Variants in MGST2 observed in about 807,000 individuals in gnomAD.
MGST2 encodes the protein microsomal glutathione S-transferase 2.
Under a neutral mutation model 16.6 loss-of-function variants are expected in MGST2, and 9 were observed. The ratio of observed to expected loss-of-function variants is 0.54; its 90% CI spans 0.33 to 0.95. MGST2 has a LOEUF of 0.95. MGST2 is among the 40% of genes least tolerant of loss of function. MGST2 has a pLI of 0.03. For synonymous variants in MGST2, 79 were observed against 68.0 expected (o/e 1.16, Z -0.79); for missense variants, 159 against 175.1 (o/e 0.91, Z 0.52).
chr4:139,675,352 G>A (rs965717358), intron 1 of MGST2, among the ~76,000 whole-genome samples: 2 of 152,156 alleles, frequency 1.3e-5, no homozygotes, highest in Non-Finnish European at 2.9e-5. Context: ...AGGACAGGAG[G>A]CAAGACCTAC....
chr4:139,719,483 C>A, intron 5 of MGST2: 1 of 1,614,022 alleles, frequency 6.2e-7, no homozygotes, highest in Non-Finnish European at 8.5e-7. Context: ...AGGGGCATTC[C>A]GCTCATAGGC....
chr4:139,723,938 G>A (rs1052817039), intron 5 of MGST2, among the ~76,000 whole-genome samples: 1 of 152,168 alleles, frequency 6.6e-6, no homozygotes, highest in Non-Finnish European at 1.5e-5. Flanking sequence ...AACAAGCTCC[G>A]CTGGTGCTTT....
intron 2 of MGST2, among the ~76,000 whole-genome samples, chr4:139,680,264 G>A (rs975451529): frequency 5.3e-5 from 8 of 152,154 alleles, no homozygotes; most frequent in Admixed American, 5.2e-4. Context: ...AATGTTGAAA[G>A]CAGGGCCTTA....
Position 139,704,127 on chromosome 4 carries a change from G to C in MGST2, c.423G>C (p.Lys141Asn). ...LDEYLDLNIA[K>N]KLRRQF ...AATATCTGGACCTCAATATTGCCAA[G>C]AAACTGAGGCGGCAATTCTAACTTT... is the stretch of plus-strand genomic sequence containing the variant. Residue 141 changes from lysine to asparagine, a missense_variant, in exon 5 of 5, where the codon AAG becomes AAC. Physicochemically the swap from Lys to Asn is moderately conservative, Grantham distance 94 (BLOSUM62 0). Transcript: ENST00000265498. 1 of 1,614,192 alleles carries C rather than the reference G, an allele frequency of 6.2e-7. No individual in the cohort carries two copies.
chr4:139,690,192 A>G (rs376835627), intron 2 of MGST2, among the ~76,000 whole-genome samples: 1 of 152,234 alleles, frequency 6.6e-6, no homozygotes, highest in African/African-American at 2.4e-5. Context: ...GGGTTTCACC[A>G]TATTGTCCAG....
chr4:139,695,316 T>C (rs1726856896), intron 3 of MGST2, 49 bp downstream of exon 3: 2 of 1,444,766 alleles, frequency 1.4e-6, no homozygotes. Flanking sequence ...CTGTGATGCT[T>C]AAACGATTAA....
intron 3 of MGST2, among the ~76,000 whole-genome samples, chr4:139,697,706 G>T (rs2110887051): frequency 6.6e-6 from 1 of 152,202 alleles, no homozygotes; most frequent in South Asian, 2.1e-4. Context: ...CTTGCATGTA[G>T]GACAACTCAG....
the MGST2 span, among the ~76,000 whole-genome samples, chr4:139,750,750 A>G: frequency 6.6e-6 from 1 of 152,136 alleles, no homozygotes; most frequent in Non-Finnish European, 1.5e-5. Context: ...AAGGCACTCT[A>G]TTTTGAATTT....
chr4:139,690,150 C>T (rs957105541), intron 2 of MGST2, among the ~76,000 whole-genome samples: 6 of 152,116 alleles, frequency 3.9e-5, no homozygotes, highest in East Asian at 1.9e-4. Flanking sequence ...CACCACCATG[C>T]TCAGTTAATT....
intron 3 of MGST2, among the ~76,000 whole-genome samples, chr4:139,697,727 A>G (rs1727007214): frequency 6.6e-6 from 1 of 152,244 alleles, no homozygotes; most frequent in South Asian, 2.1e-4. Context: ...TTAGAAAAGT[A>G]TAGTGAATGG....
intron 1 of MGST2, 149 bp from the exon 2 acceptor site, chr4:139,678,391 TCTC>T (rs1461726358): frequency 1.3e-5 from 9 of 704,176 alleles, no homozygotes; most frequent in Non-Finnish European, 2.3e-5. Context: ...TCTCATATCC[TCTC>T]CTGTCTTTTT....
chr4:139,699,353 T>C (rs1276671825), intron 3 of MGST2, among the ~76,000 whole-genome samples: 1 of 152,252 alleles, frequency 6.6e-6, no homozygotes, highest in Non-Finnish European at 1.5e-5. Context: ...TTGATAAATT[T>C]TAACTTTGCA....
chr4:139,731,109 A>T (rs931885222), intron 5 of MGST2: 3 of 166,376 alleles, frequency 1.8e-5, no homozygotes, highest in African/African-American at 7.2e-5. Flanking sequence ...TGCAAGTAGG[A>T]GGGACATTTG....
At chr4:139,716,960 T>G (rs1727996391) in intron 5 of MGST2, 1 of 152,582 alleles carries the variant, frequency 6.6e-6, no homozygotes, top group African/African-American at 2.4e-5. Context: ...AGTAATTAGA[T>G]GTCATCTGAA....
At chr4:139,698,242 A>G in intron 3 of MGST2, 1 of 1,151,814 alleles carries the variant, frequency 8.7e-7, no homozygotes, top group Non-Finnish European at 1.3e-6. Context: ...GTGTCTTCAA[A>G]AAGGCCAACC....
chr4:139,729,624 C>T (rs1216328816), intron 5 of MGST2, among the ~76,000 whole-genome samples: 1 of 152,130 alleles, frequency 6.6e-6, no homozygotes, highest in East Asian at 1.9e-4. Context: ...ACAGAAGCCG[C>T]CTGGGGATCT....
the MGST2 span, among the ~76,000 whole-genome samples, chr4:139,749,606 C>T: frequency 6.6e-6 from 1 of 152,188 alleles, no homozygotes; most frequent in Non-Finnish European, 1.5e-5. Context: ...TGTCAGAACA[C>T]GTGAAAGGAC....
chr4:139,719,168 G>T, intron 5 of MGST2: 1 of 798,264 alleles, frequency 1.3e-6, no homozygotes, highest in Non-Finnish European at 1.9e-6. Context: ...TGGGGCTGTG[G>T]ATTGGCACCT....
At position 139,703,477 on chromosome 4, in the gene MGST2, G is replaced by A. The variant is rs746982910; in HGVS notation, c.252G>A (p.Leu84=). 3 of 1,613,608 alleles carry A rather than the reference G, an allele frequency of 1.9e-6. No individual in the cohort carries two copies. The South Asian group carries it at 3.3e-5, about 18-fold the overall frequency. ...TAGTTTTTGCTACTTGTCTGGGTCT[G>A]GTGTACATATATGGCCGTCACCTAT... ...FNQVFATCLG[L]VYIYGRHLYF... Residue 84 remains leucine, a synonymous_variant, in exon 4 of 5, where the codon CTG becomes CTA. Transcript: ENST00000265498.
Sources: allele counts gnomAD v4.1 joint callset (sites outside exome capture counted in the v4.1 genomes callset), GRCh38; gene constraint gnomAD v4.1.1; transcripts MANE v1.5; gene names NCBI Gene and HGNC (gene_info 2026-07-23, HGNC 2026-07-21).